Variants in NAV2 observed in about 807,000 individuals in gnomAD.
NAV2 encodes the protein helicase, APC down-regulated 1.
NAV2 carries 54 observed loss-of-function variants against 223.2 expected under a neutral mutation model. The ratio of observed to expected loss-of-function variants is 0.24; its 90% CI spans 0.19 to 0.30. The LOEUF (loss-of-function observed/expected upper bound fraction) is 0.30, where lower values mean the gene tolerates loss of function less well. Ranked by LOEUF, NAV2 falls within the 10% of genes least tolerant of loss-of-function variation. The probability of loss-of-function intolerance (pLI) is 1.00; values close to 1 mark genes in which losing one functional copy is unlikely to be tolerated. For synonymous variants in NAV2, 1,279 were observed against 1,239.3 expected, an observed-to-expected ratio of 1.03 and a Z score of -0.67; for missense variants, 2,806 against 3,147.5, an observed-to-expected ratio of 0.89 and a Z score of 2.60.
chr11:19,917,853 G>A (rs1357802240), intron 6 of NAV2, among the ~76,000 whole-genome samples: 2 of 152,210 alleles, frequency 1.3e-5, no homozygotes, highest in Non-Finnish European at 2.9e-5. Flanking sequence ...CTGACCTCAG[G>A]TGATCCGCCT....
At chr11:19,437,380 C>T (rs1157490500) in intron 1 of NAV2, among the ~76,000 whole-genome samples, 3 of 152,062 alleles carry the variant, frequency 2.0e-5, no homozygotes, top group African/African-American at 4.8e-5. Context: ...AATATTTATT[C>T]CTATCAATCA....
chr11:19,549,717 A>C (rs1383622941), intron 1 of NAV2, among the ~76,000 whole-genome samples: 2 of 152,178 alleles, frequency 1.3e-5, no homozygotes, highest in Non-Finnish European at 2.9e-5. Flanking sequence ...AGCTCACAGG[A>C]GGTGTCTGAG....
At chr11:19,959,163 T>C (rs2048145398) in intron 10 of NAV2, among the ~76,000 whole-genome samples, 1 of 152,132 alleles carries the variant, frequency 6.6e-6, no homozygotes, top group Non-Finnish European at 1.5e-5. Context: ...CACCCTGTGC[T>C]CCCAGATTGT....
intron 1 of NAV2, among the ~76,000 whole-genome samples, chr11:19,754,119 T>A (rs1246939305): frequency 6.6e-6 from 1 of 152,224 alleles, no homozygotes; most frequent in Admixed American, 6.5e-5. Context: ...TCCCTTTTGC[T>A]TAGTCCAGGA....
intron 6 of NAV2, among the ~76,000 whole-genome samples, chr11:19,914,814 G>A (rs1022946837): frequency 6.6e-6 from 1 of 152,106 alleles, no homozygotes; most frequent in South Asian, 2.1e-4. Flanking sequence ...AAAGTGCTGG[G>A]ATTACAGGCG....
intron 1 of NAV2, among the ~76,000 whole-genome samples, chr11:19,595,144 G>C (rs1590635496): frequency 6.6e-6 from 1 of 152,160 alleles, no homozygotes; most frequent in Non-Finnish European, 1.5e-5. Flanking sequence ...ACACACCTCA[G>C]AATCTCCACT....
At chr11:19,450,725 A>C (rs1180412264) in intron 1 of NAV2, among the ~76,000 whole-genome samples, 1 of 152,186 alleles carries the variant, frequency 6.6e-6, no homozygotes, top group East Asian at 1.9e-4. Flanking sequence ...TTCACAACTA[A>C]ATCAAGCAGC....
chr11:19,898,976 T>C (rs941812064), intron 6 of NAV2, among the ~76,000 whole-genome samples: 1 of 152,206 alleles, frequency 6.6e-6, no homozygotes, highest in African/African-American at 2.4e-5. Flanking sequence ...GCACTTGAGT[T>C]TGAGGTCAAA....
rs149214257 is a variant in NAV2 at position 19,468,359 on chromosome 11, G to C, written c.75+117332G>C. The stretch of plus-strand genomic sequence containing the variant: ...CTGGTGCTAGAAGTCCAAAATCTAG[G>C]TGTTGGGAGGGCTACGCCACCCTGA... On this transcript the variant is annotated intron_variant, in intron 1 of 37. Transcript: ENST00000360655. Among the ~76,000 whole-genome samples the C allele has an allele frequency of 1.9e-3, 291 of 152,324 alleles. 1 individual carries two copies. Among genetic ancestry groups the C allele is most frequent in the African/African-American group, 6.6e-3 (273 of 41,568 alleles).
chr11:19,739,178 T>C (rs1379155680), intron 1 of NAV2, among the ~76,000 whole-genome samples: 1 of 152,132 alleles, frequency 6.6e-6, no homozygotes, highest in African/African-American at 2.4e-5. Context: ...TGAGACCCTC[T>C]GTCAAAAAAA....
chr11:19,839,359 G>A (rs932252024), intron 2 of NAV2, among the ~76,000 whole-genome samples: 27 of 152,266 alleles, frequency 1.8e-4, no homozygotes, highest in Non-Finnish European at 3.5e-4. Context: ...GGGAGAAAAG[G>A]GGATAAGAGT....
intron 1 of NAV2, among the ~76,000 whole-genome samples, chr11:19,467,308 GT>G (rs1490673195): frequency 6.6e-6 from 1 of 152,054 alleles, no homozygotes; most frequent in African/African-American, 2.4e-5. Flanking sequence ...ATTGACTACT[GT>G]CAGATATTTA....
At chr11:19,899,599 C>T (rs1025441331) in intron 6 of NAV2, among the ~76,000 whole-genome samples, 3 of 152,208 alleles carry the variant, frequency 2.0e-5, no homozygotes, top group African/African-American at 7.2e-5. Flanking sequence ...AATTGAGACA[C>T]AGACTCTGCT....
chr11:19,611,842 G>A (rs2046654714), intron 1 of NAV2, among the ~76,000 whole-genome samples: 1 of 152,192 alleles, frequency 6.6e-6, no homozygotes, highest in African/African-American at 2.4e-5. Context: ...GGAGAATGGT[G>A]GCCCTCTTCT....
At chr11:19,866,503 G>A (rs770863261) in intron 3 of NAV2, among the ~76,000 whole-genome samples, 62 of 152,190 alleles carry the variant, frequency 4.1e-4, no homozygotes, top group Non-Finnish European at 1.5e-4. Flanking sequence ...TAATAGAATC[G>A]GACATTAAAA....
At chr11:19,848,208 G>A (rs1031377401) in intron 3 of NAV2, among the ~76,000 whole-genome samples, 2 of 152,162 alleles carry the variant, frequency 1.3e-5, no homozygotes, top group African/African-American at 4.8e-5. Context: ...AGAAGGGCCA[G>A]GCAGTGATTT....
chr11:19,503,567 G>T (rs2043025746), intron 1 of NAV2: 1 of 152,178 alleles, frequency 6.6e-6, no homozygotes, highest in South Asian at 2.1e-4. Context: ...AGCTTTTTCA[G>T]ATTGTCTTCC....
At chr11:19,847,931 A>G (rs2060895614) in intron 3 of NAV2, among the ~76,000 whole-genome samples, 2 of 152,172 alleles carry the variant, frequency 1.3e-5, no homozygotes, top group South Asian at 4.1e-4. Context: ...GGGACATAGA[A>G]CCTTTTGGAA....
intron 8 of NAV2, 138 bp downstream of exon 8, chr11:19,939,911 C>CT (rs11423145): frequency 0.72 from 272,647 of 380,024 alleles, 83,690 homozygotes; most frequent in Admixed American, 0.84. Context: ...AACTTTCTTT[C>CT]TTTTTTTTTT....
Sources: gnomAD v4.1 joint callset for allele counts (sites outside exome capture counted in the v4.1 genomes callset) on GRCh38, gnomAD v4.1.1 for gene constraint, MANE v1.5 for transcripts, NCBI Gene and HGNC (gene_info 2026-07-23, HGNC 2026-07-21) for gene names.